Variants in SPRED2 observed in about 807,000 individuals in gnomAD.
SPRED2 encodes the protein sprouty related EVH1 domain containing 2.
In SPRED2, 47 loss-of-function variants were observed where a neutral mutation model predicts 43.0. The observed-to-expected ratio is 1.09, with a 90% CI of 0.87 to 1.40. The LOEUF (loss-of-function observed/expected upper bound fraction) is 1.40. Ranked by LOEUF, SPRED2 falls within the 40% of genes most tolerant of loss-of-function variation. The pLI, the probability that SPRED2 is intolerant of heterozygous loss-of-function variation, is 0.00. For missense variants in SPRED2, 561 were observed against 586.4 expected (o/e 0.96, Z 0.45); for synonymous variants, 225 against 225.7 (o/e 1.00, Z 0.03).
At chr2:65,424,499 C>CG (rs1328624563) in intron 1 of SPRED2, among the ~76,000 whole-genome samples, 2 of 151,982 alleles carry the variant, frequency 1.3e-5, no homozygotes, top group African/African-American at 4.8e-5. Context: ...TGGTGGTGTA[C>CG]ACCTGTGGTC....
intron 2 of SPRED2, among the ~76,000 whole-genome samples, chr2:65,338,268 C>G (rs1674037951): frequency 2.8e-5 from 1 of 36,108 alleles, no homozygotes; most frequent in Non-Finnish European, 5.3e-5. Flanking sequence ...CCTCTCCCGT[C>G]TCCCTCTCCC....
chr2:65,326,584 G>C (rs1673625969), intron 4 of SPRED2, among the ~76,000 whole-genome samples: 1 of 152,126 alleles, frequency 6.6e-6, no homozygotes, highest in Non-Finnish European at 1.5e-5. Flanking sequence ...CTCTGACTCT[G>C]TCCTAGACTC....
At chr2:65,431,530 G>T (rs1011700461) in intron 1 of SPRED2, among the ~76,000 whole-genome samples, 3 of 152,254 alleles carry the variant, frequency 2.0e-5, no homozygotes, top group Non-Finnish European at 1.5e-5. Flanking sequence ...GCCCCAGTGG[G>T]CTCCGGAGCG....
At chr2:65,371,935 G>A (rs753353064) in intron 1 of SPRED2, among the ~76,000 whole-genome samples, 1 of 152,060 alleles carries the variant, frequency 6.6e-6, no homozygotes, top group Admixed American at 6.6e-5. Flanking sequence ...AATTATCCGG[G>A]TGTGGTGGAT....
chr2:65,317,186 C>G (rs1040817554), intron 4 of SPRED2, among the ~76,000 whole-genome samples: 8 of 152,160 alleles, frequency 5.3e-5, no homozygotes, highest in Admixed American at 3.9e-4. Flanking sequence ...ATATACCAGG[C>G]TCCCCAAAGG....
At chr2:65,360,852 A>T (rs34158596) in intron 1 of SPRED2, among the ~76,000 whole-genome samples, 27,502 of 152,262 alleles carry the variant, frequency 0.18, 2,665 homozygotes, top group Non-Finnish European at 0.2. Flanking sequence ...AAAAAGATAA[A>T]CTGTGAAACA....
chr2:65,337,688 G>A (rs1332646490), intron 2 of SPRED2, among the ~76,000 whole-genome samples: 1 of 152,202 alleles, frequency 6.6e-6, no homozygotes, highest in African/African-American at 2.4e-5. Flanking sequence ...ATATGTCATA[G>A]AGATACAGGA....
At chr2:65,374,326 T>C (rs1423635512) in intron 1 of SPRED2, among the ~76,000 whole-genome samples, 3 of 152,228 alleles carry the variant, frequency 2.0e-5, no homozygotes, top group Admixed American at 2.0e-4. Flanking sequence ...CCAAGCACAC[T>C]TGATGGAAGA....
At chr2:65,338,871 G>A (rs56090124) in intron 2 of SPRED2, among the ~76,000 whole-genome samples, 10,394 of 149,738 alleles carry the variant, frequency 0.069, 341 homozygotes, top group Middle Eastern at 0.14. Context: ...CCTCCCGGCC[G>A]CCATCCCATC....
At chr2:65,373,480 A>C (rs1481018049) in intron 1 of SPRED2, among the ~76,000 whole-genome samples, 1 of 152,190 alleles carries the variant, frequency 6.6e-6, no homozygotes, top group African/African-American at 2.4e-5. Context: ...GCTAGAACTC[A>C]CTTTTCCTTA....
downstream of SPRED2, among the ~76,000 whole-genome samples, chr2:65,307,887 G>A (rs1425163824): frequency 6.6e-6 from 1 of 152,138 alleles, no homozygotes; most frequent in African/African-American, 2.4e-5. Flanking sequence ...AAAGACCAAC[G>A]GGCTTCCAGT....
At chr2:65,359,164 A>G (rs11687003) in intron 1 of SPRED2, among the ~76,000 whole-genome samples, 10,752 of 152,282 alleles carry the variant, frequency 0.071, 483 homozygotes, top group Middle Eastern at 0.15. Context: ...TCATGATGCA[A>G]TGGATTCTTG....
intron 1 of SPRED2, among the ~76,000 whole-genome samples, chr2:65,395,167 G>A (rs868852568): frequency 5.3e-5 from 8 of 152,192 alleles, no homozygotes; most frequent in Non-Finnish European, 8.8e-5. Flanking sequence ...AGTGTTCCAC[G>A]ATCTCCAGCA....
At position 65,311,152 on chromosome 2, in the gene SPRED2, A is replaced by AGAT; in HGVS notation, c.*2346_*2348dup. 1.0e-6 allele frequency: 1 copy of AGAT among 985,828 alleles called. No homozygotes were observed. The highest frequency in any genetic ancestry group is 1.2e-6 in the Non-Finnish European group (1 of 829,928). 61.1% of individuals were successfully genotyped at this position (985,828 alleles called of 1,614,324 possible). ...CTTTTGGTTAATGTTTTGTTACCAC[A>AGAT]GATACAAAAATAAAATCTGAATAAT... On this transcript the variant is annotated 3_prime_UTR_variant, in exon 6 of 6. Coordinates refer to ENST00000356388, the MANE Select transcript of SPRED2 (RefSeq NM_181784.3).
chr2:65,381,716 T>A (rs1177969884), intron 1 of SPRED2, among the ~76,000 whole-genome samples: 2 of 152,206 alleles, frequency 1.3e-5, no homozygotes, highest in African/African-American at 2.4e-5. Context: ...ACAGAAGCCC[T>A]CAGCCCCGGT....
chr2:65,407,072 C>A (rs1676041585), intron 1 of SPRED2, among the ~76,000 whole-genome samples: 1 of 151,974 alleles, frequency 6.6e-6, no homozygotes, highest in Non-Finnish European at 1.5e-5. Context: ...GGACTACAGG[C>A]ACCCACCACC....
At chr2:65,386,829 C>A (rs1675513915) in intron 1 of SPRED2, among the ~76,000 whole-genome samples, 2 of 152,194 alleles carry the variant, frequency 1.3e-5, no homozygotes, top group Admixed American at 1.3e-4. Flanking sequence ...AACAAACCTG[C>A]ACGTTGTGCA....
intron 1 of SPRED2, among the ~76,000 whole-genome samples, chr2:65,379,049 C>A (rs997911958): frequency 1.3e-5 from 2 of 152,118 alleles, no homozygotes; most frequent in Admixed American, 1.3e-4. Flanking sequence ...GGGGTCCAGG[C>A]TGAGCATCCC....
In SPRED2 at chr2:65,316,887, T is replaced by G; in HGVS notation, c.439-4A>C. On this transcript the variant is annotated splice_polypyrimidine_tract_variant and splice_region_variant and intron_variant, in intron 4 of 5. Transcript: ENST00000356388. The stretch of plus-strand genomic sequence containing the variant: ...TAGAAGAACTGTCTGTAGCTGTCTG[T>G]GTAGAGGGAGGTAACCAAGAGTCAA... 3 of 1,613,562 alleles carry G rather than the reference T, an allele frequency of 1.9e-6. No homozygotes were observed. The highest frequency in any genetic ancestry group is 2.5e-6 in the Non-Finnish European group (3 of 1,179,902).
Sources: allele counts gnomAD v4.1 joint callset (sites outside exome capture counted in the v4.1 genomes callset), GRCh38; gene constraint gnomAD v4.1.1; transcripts MANE v1.5; gene names NCBI Gene and HGNC (gene_info 2026-07-23, HGNC 2026-07-21).